GMDS: variants seen among roughly 807,000 people sequenced by gnomAD.
The protein encoded by GMDS is GDP-mannose 4,6 dehydratase.
GMDS carries 20 observed loss-of-function variants against 49.9 expected under a neutral mutation model. The observed-to-expected ratio is 0.40, with a 90% CI of 0.28 to 0.58. The LOEUF is 0.58. Among genes scored for constraint, GMDS ranks in the 20% least tolerant of loss-of-function variants. The pLI is 0.42. For missense variants in GMDS, 362 were observed against 481.4 expected, an observed-to-expected ratio of 0.75 and a Z score of 2.32; for synonymous variants, 177 against 178.6, an observed-to-expected ratio of 0.99 and a Z score of 0.07.
At chr6:1,853,725 A>T (rs1257126181) in intron 7 of GMDS, among the ~76,000 whole-genome samples, 1 of 152,200 alleles carries the variant, frequency 6.6e-6, no homozygotes, top group African/African-American at 2.4e-5. Context: ...TTGAAGACTC[A>T]GTTAAAATAG....
intron 7 of GMDS, among the ~76,000 whole-genome samples, chr6:1,763,771 G>A (rs559779715): frequency 6.6e-6 from 1 of 152,196 alleles, no homozygotes; most frequent in Non-Finnish European, 1.5e-5. Context: ...CCATTGGTAC[G>A]AATCTGTCTC....
intron 7 of GMDS, among the ~76,000 whole-genome samples, chr6:1,812,100 C>G (rs572813032): frequency 1.3e-5 from 2 of 152,046 alleles, no homozygotes; most frequent in Non-Finnish European, 2.9e-5. Context: ...ATAGAAGTAC[C>G]GCAGAGAGAG....
intron 1 of GMDS, among the ~76,000 whole-genome samples, chr6:2,215,138 T>C (rs1264067894): frequency 2.0e-5 from 3 of 151,982 alleles, no homozygotes; most frequent in African/African-American, 4.8e-5. Context: ...ATTCAGACTA[T>C]GGAAGAAACA....
chr6:1,781,151 C>T (rs141943487), intron 7 of GMDS, among the ~76,000 whole-genome samples: 1 of 152,120 alleles, frequency 6.6e-6, no homozygotes, highest in African/African-American at 2.4e-5. Context: ...TCTTTGCTGA[C>T]CAACAGTAAG....
intron 7 of GMDS, among the ~76,000 whole-genome samples, chr6:1,852,550 C>T (rs1757726148): frequency 6.6e-6 from 1 of 152,238 alleles, no homozygotes; most frequent in South Asian, 2.1e-4. Flanking sequence ...ACAAGCTTCC[C>T]CTCCACTAAA....
intron 1 of GMDS, among the ~76,000 whole-genome samples, chr6:2,171,258 T>C (rs1429382167): frequency 6.6e-6 from 1 of 152,086 alleles, no homozygotes; most frequent in African/African-American, 2.4e-5. Context: ...TTCAAAAGAT[T>C]AAAAGAATAA....
intron 7 of GMDS, among the ~76,000 whole-genome samples, chr6:1,838,994 G>C (rs544972295): frequency 1.6e-4 from 24 of 152,266 alleles, no homozygotes; most frequent in Middle Eastern, 3.4e-3. Flanking sequence ...TAAGTACAAC[G>C]ACAAGTGTTT....
At chr6:1,805,703 A>G (rs1294962245) in intron 7 of GMDS, among the ~76,000 whole-genome samples, 1 of 152,176 alleles carries the variant, frequency 6.6e-6, no homozygotes, top group African/African-American at 2.4e-5. Flanking sequence ...AAATACAGTT[A>G]TTTTTCATAA....
At chr6:1,684,486 A>G (rs1433051335) in intron 9 of GMDS, among the ~76,000 whole-genome samples, 2 of 152,212 alleles carry the variant, frequency 1.3e-5, no homozygotes, top group African/African-American at 4.8e-5. Context: ...CAATGCATCC[A>G]CACGAACGAA....
rs150497367 is a variant in GMDS, at chr6:1,916,692, C to T, written c.771+13411G>A. On this transcript the variant is annotated intron_variant, in intron 7 of 10. Coordinates refer to ENST00000380815, the MANE Select transcript of GMDS (RefSeq NM_001500.4). The stretch of plus-strand genomic sequence containing the variant: ...TAACATTTGAGAGCACAATACCACG[C>T]GCAATTAAACAAGCAAACCCACAAT... Among the ~76,000 whole-genome samples, 423 of 152,188 alleles carry T rather than the reference C, an allele frequency of 2.8e-3. 5 individuals are homozygous for T. The highest frequency in any genetic ancestry group is 9.9e-3 in the East Asian group (51 of 5,158).
intron 2 of GMDS, among the ~76,000 whole-genome samples, chr6:2,117,905 G>A (rs1032474623): frequency 1.6e-4 from 25 of 152,098 alleles, no homozygotes; most frequent in South Asian, 2.1e-4. Context: ...CAGACCATTC[G>A]AGGCCGTGTC....
chr6:1,837,015 T>G (rs1392778814), intron 7 of GMDS, among the ~76,000 whole-genome samples: 1 of 152,248 alleles, frequency 6.6e-6, no homozygotes, highest in African/African-American at 2.4e-5. Flanking sequence ...TTATATTTCA[T>G]TTCAGTTTCC....
intron 9 of GMDS, among the ~76,000 whole-genome samples, chr6:1,642,183 A>T (rs545540876): frequency 6.7e-6 from 1 of 148,218 alleles, no homozygotes; most frequent in South Asian, 2.2e-4. Flanking sequence ...TTTTTTAAGA[A>T]AAAAATAGAG....
intron 6 of GMDS, 77 bp from the exon 7 acceptor site, chr6:1,930,307 T>G: frequency 8.0e-7 from 1 of 1,244,298 alleles, no homozygotes; most frequent in Non-Finnish European, 1.1e-6. Context: ...AAACCCGATT[T>G]CGGCCTCTGG....
chr6:1,631,286 C>A (rs1762993440), intron 9 of GMDS, among the ~76,000 whole-genome samples: 1 of 152,064 alleles, frequency 6.6e-6, no homozygotes, highest in South Asian at 2.1e-4. Flanking sequence ...TGGCCTCTTT[C>A]CTAGAGATGA....
intron 2 of GMDS, among the ~76,000 whole-genome samples, chr6:2,119,760 CAA>C (rs1775042085): frequency 6.6e-6 from 1 of 152,122 alleles, no homozygotes; most frequent in African/African-American, 2.4e-5. Flanking sequence ...AAAATCATTA[CAA>C]AGTTATAGTA....
chr6:1,747,474 GCTCA>G (rs770275183), intron 7 of GMDS, among the ~76,000 whole-genome samples: 96 of 5,178 alleles, frequency 0.019, no homozygotes, highest in South Asian at 0.034. Flanking sequence ...ACACACACAC[GCTCA>G]TGCGTGTGCG....
chr6:1,765,116 C>G (rs1768298898), intron 7 of GMDS, among the ~76,000 whole-genome samples: 1 of 151,786 alleles, frequency 6.6e-6, no homozygotes, highest in Non-Finnish European at 1.5e-5. Context: ...CAATTTAAAT[C>G]TTTTAAAAAA....
chr6:1,954,738 AG>A (rs1763538733), intron 6 of GMDS, among the ~76,000 whole-genome samples: 1 of 152,170 alleles, frequency 6.6e-6, no homozygotes, highest in African/African-American at 2.4e-5. Flanking sequence ...TTTTAATTCT[AG>A]CTCTCTTGCT....
Sources: allele counts gnomAD v4.1 joint callset (sites outside exome capture counted in the v4.1 genomes callset), GRCh38; gene constraint gnomAD v4.1.1; transcripts MANE v1.5; gene names NCBI Gene and HGNC (gene_info 2026-07-23, HGNC 2026-07-21).